The following IMMP1L variants were observed in gnomAD, a reference collection of about 807,000 sequenced individuals.
IMMP1L encodes the protein inner mitochondrial membrane peptidase subunit 1, also known as mitochondrial inner membrane protease subunit 1.
Under a neutral mutation model 21.8 loss-of-function variants are expected in IMMP1L, and 24 were observed. That is an observed-to-expected ratio of 1.10 (90% CI 0.80 to 1.55). The LOEUF is 1.55. IMMP1L is among the 40% of genes most tolerant of loss of function. IMMP1L has a pLI of 0.00. For synonymous variants in IMMP1L, 46 were observed against 62.8 expected (o/e 0.73, Z 1.26); for missense variants, 195 against 200.7 (o/e 0.97, Z 0.17).
At chr11:31,506,066 G>GA (rs1311029676) in intron 1 of IMMP1L, among the ~76,000 whole-genome samples, 1 of 152,090 alleles carries the variant, frequency 6.6e-6, no homozygotes, top group Non-Finnish European at 1.5e-5. Flanking sequence ...AGGATCAACT[G>GA]TACTTTATTG....
intron 1 of IMMP1L, among the ~76,000 whole-genome samples, chr11:31,493,948 G>C (rs956575790): frequency 6.6e-5 from 10 of 152,228 alleles, no homozygotes; most frequent in Non-Finnish European, 1.5e-4. Context: ...CGGCTTTGCA[G>C]GGTACAGCTC....
intron 1 of IMMP1L, among the ~76,000 whole-genome samples, chr11:31,466,796 G>A (rs979484896): frequency 1.3e-5 from 2 of 151,966 alleles, no homozygotes; most frequent in African/African-American, 4.8e-5. Flanking sequence ...GTTGGTTAAT[G>A]GACACAAAAT....
intron 1 of IMMP1L, among the ~76,000 whole-genome samples, chr11:31,503,418 A>T (rs967793902): frequency 6.6e-6 from 1 of 152,186 alleles, no homozygotes; most frequent in African/African-American, 2.4e-5. Flanking sequence ...TAATCGATTA[A>T]ACAGAAAGTA....
At chr11:31,440,833 C>A (rs1953302244) in intron 4 of IMMP1L, among the ~76,000 whole-genome samples, 1 of 152,146 alleles carries the variant, frequency 6.6e-6, no homozygotes, top group Admixed American at 6.5e-5. Flanking sequence ...TTTACCCTTT[C>A]CCTATCAAAA....
chr11:31,455,928 G>GT (rs1022250438), intron 4 of IMMP1L, among the ~76,000 whole-genome samples: 6 of 151,974 alleles, frequency 3.9e-5, no homozygotes, highest in Admixed American at 2.0e-4. Flanking sequence ...CACCTCTAAG[G>GT]TTTTTTCCCT....
intron 4 of IMMP1L, among the ~76,000 whole-genome samples, chr11:31,445,139 A>T (rs867757201): frequency 2.0e-5 from 3 of 152,246 alleles, no homozygotes; most frequent in South Asian, 2.1e-4. Flanking sequence ...CCAAAGGATG[A>T]GCCCAACTTA....
At chr11:31,469,823 AAAATTGGTCAG>A (rs1954484043) in intron 1 of IMMP1L, 1 of 152,202 alleles carries the variant, frequency 6.6e-6, no homozygotes, top group Non-Finnish European at 1.5e-5. Context: ...AGAAAAGTTT[AAAATTGGTCAG>A]AAATTTACCT....
At chr11:31,449,721 C>T (rs1460978704) in intron 4 of IMMP1L, among the ~76,000 whole-genome samples, 1 of 152,138 alleles carries the variant, frequency 6.6e-6, no homozygotes. Flanking sequence ...CATCACTCTG[C>T]TGTGGTAATG....
At chr11:31,461,430 G>T (rs1591981024) in intron 2 of IMMP1L, among the ~76,000 whole-genome samples, 1 of 152,042 alleles carries the variant, frequency 6.6e-6, no homozygotes, top group South Asian at 2.1e-4. Context: ...AGCAATTAAA[G>T]ATTTTCCTAT....
intron 4 of IMMP1L, among the ~76,000 whole-genome samples, chr11:31,437,608 T>C (rs1248638768): frequency 6.6e-6 from 1 of 152,208 alleles, no homozygotes; most frequent in Non-Finnish European, 1.5e-5. Context: ...TTTATAGAGG[T>C]ATATTTTATA....
intron 1 of IMMP1L, among the ~76,000 whole-genome samples, chr11:31,490,734 C>T (rs1241469649): frequency 6.6e-6 from 1 of 152,036 alleles, no homozygotes; most frequent in Non-Finnish European, 1.5e-5. Flanking sequence ...TCCTGCCTCC[C>T]CTACCCAAAT....
chr11:31,489,769 T>C (rs1317455753), intron 1 of IMMP1L, among the ~76,000 whole-genome samples: 1 of 152,148 alleles, frequency 6.6e-6, no homozygotes, highest in African/African-American at 2.4e-5. Flanking sequence ...TCTTTTAACC[T>C]GGTACCTTTA....
intron 3 of IMMP1L, among the ~76,000 whole-genome samples, chr11:31,458,426 C>T (rs1478079866): frequency 6.6e-6 from 1 of 152,076 alleles, no homozygotes; most frequent in Non-Finnish European, 1.5e-5. Context: ...GTGCTCACTA[C>T]TATTTGTTGA....
At chr11:31,502,950 G>A (rs1435813657) in intron 1 of IMMP1L, among the ~76,000 whole-genome samples, 4 of 151,952 alleles carry the variant, frequency 2.6e-5, no homozygotes, top group Non-Finnish European at 4.4e-5. Flanking sequence ...TAAAACCCTT[G>A]GACACATTTA....
rs768929336 is a variant in IMMP1L, at chr11:31,456,270, C to G, written c.311G>C (p.Ser104Thr). 5 of 1,593,790 alleles carry G rather than the reference C, an allele frequency of 3.1e-6. No individual in the cohort carries two copies. The South Asian group carries it at 5.7e-5, about 18-fold the overall frequency. ...LTTSPSDFFKSHSYVPMGHVW... is the reference protein window; with the variant it reads ...LTTSPSDFFKTHSYVPMGHVW... ...TGAAATGTTACTTACATAACTATGGCTTTTAAAGAAATCTGATGGACTAGT... is the reference window on the plus strand; with the variant it reads ...TGAAATGTTACTTACATAACTATGGGTTTTAAAGAAATCTGATGGACTAGT... Residue 104 changes from serine (S) to threonine (T), a missense_variant, in exon 4 of 6, where the codon AGC becomes ACC. Ser to Thr is a moderately conservative substitution (Grantham distance 58). Transcript: ENST00000532287.
intron 1 of IMMP1L, among the ~76,000 whole-genome samples, chr11:31,504,582 T>C (rs906684225): frequency 2.0e-5 from 3 of 152,198 alleles, no homozygotes; most frequent in Non-Finnish European, 4.4e-5. Context: ...CAAATACTAC[T>C]GGTAAGAGTA....
intron 1 of IMMP1L, among the ~76,000 whole-genome samples, chr11:31,508,302 T>C (rs1955853391): frequency 6.6e-6 from 1 of 152,254 alleles, no homozygotes; most frequent in South Asian, 2.1e-4. Context: ...AAGTACTATG[T>C]TGTTTTCTAT....
At chr11:31,484,192 A>G (rs1238411982) in intron 1 of IMMP1L, among the ~76,000 whole-genome samples, 1 of 151,940 alleles carries the variant, frequency 6.6e-6, no homozygotes, top group Non-Finnish European at 1.5e-5. Flanking sequence ...AACATATTCA[A>G]AAGTTAAAAC....
intron 4 of IMMP1L, among the ~76,000 whole-genome samples, chr11:31,454,799 CAAT>C (rs954616005): frequency 3.9e-5 from 6 of 152,242 alleles, no homozygotes; most frequent in East Asian, 1.9e-4. Flanking sequence ...AAATCAACAA[CAAT>C]GATATGGCAT....
Sources: allele counts gnomAD v4.1 joint callset (sites outside exome capture counted in the v4.1 genomes callset), GRCh38; gene constraint gnomAD v4.1.1; transcripts MANE v1.5; gene names NCBI Gene and HGNC (gene_info 2026-07-23, HGNC 2026-07-21).